The following ZHX3 variants were observed in gnomAD, a reference collection of about 807,000 sequenced individuals.
The protein encoded by ZHX3 is zinc fingers and homeoboxes protein 3.
In ZHX3, 20 loss-of-function variants were observed where a neutral mutation model predicts 64.5. The ratio of observed to expected loss-of-function variants is 0.31; its 90% CI spans 0.22 to 0.45. The LOEUF is 0.45. Among genes scored for constraint, ZHX3 ranks in the 20% least tolerant of loss-of-function variants. The probability of loss-of-function intolerance (pLI) is 1.00; values close to 1 mark genes in which losing one functional copy is unlikely to be tolerated. For missense variants in ZHX3, 1,041 were observed against 1,195.8 expected, an observed-to-expected ratio of 0.87 and a Z score of 1.91; for synonymous variants, 423 against 461.6, an observed-to-expected ratio of 0.92 and a Z score of 1.07.
chr20:41,233,953 C>T (rs531786873), intron 2 of ZHX3, among the ~76,000 whole-genome samples: 1 of 152,318 alleles, frequency 6.6e-6, no homozygotes, highest in South Asian at 2.1e-4. Flanking sequence ...CTGAAGAACT[C>T]ACCCTTGCAG....
chr20:41,198,921 A>AT (rs889451374), intron 3 of ZHX3, among the ~76,000 whole-genome samples: 3 of 151,550 alleles, frequency 2.0e-5, no homozygotes, highest in Middle Eastern at 6.8e-3. Context: ...TTTCCTAAAT[A>AT]TTTTTTTTCT....
chr20:41,277,591 T>A (rs890240569), intron 1 of ZHX3, among the ~76,000 whole-genome samples: 1 of 105,118 alleles, frequency 9.5e-6, no homozygotes, highest in Non-Finnish European at 1.8e-5. Context: ...CCATGTTAAT[T>A]TTTTTTTTCT....
At chr20:41,277,350 C>T (rs973460922) in intron 1 of ZHX3, among the ~76,000 whole-genome samples, 1 of 152,146 alleles carries the variant, frequency 6.6e-6, no homozygotes, top group Non-Finnish European at 1.5e-5. Context: ...ATGACACAAA[C>T]ATTTTTGTAA....
chr20:41,214,711 T>C (rs1033840653), intron 2 of ZHX3, among the ~76,000 whole-genome samples: 8 of 152,164 alleles, frequency 5.3e-5, no homozygotes, highest in African/African-American at 1.9e-4. Flanking sequence ...AAATGGTGCT[T>C]AAACAGCAAA....
intron 2 of ZHX3, among the ~76,000 whole-genome samples, chr20:41,236,291 C>A (rs968740372): frequency 1.7e-4 from 26 of 152,152 alleles, no homozygotes; most frequent in East Asian, 9.6e-4. Context: ...CATATGGAAC[C>A]AAAAAAGAGC....
chr20:41,231,507 C>G (rs2040604525), intron 2 of ZHX3, among the ~76,000 whole-genome samples: 1 of 152,174 alleles, frequency 6.6e-6, no homozygotes, highest in South Asian at 2.1e-4. Flanking sequence ...TTTAGTGAAG[C>G]CTTTCTAAAC....
intron 2 of ZHX3, among the ~76,000 whole-genome samples, chr20:41,249,023 G>A (rs1381547613): frequency 1.3e-5 from 2 of 152,164 alleles, no homozygotes; most frequent in African/African-American, 4.8e-5. Context: ...GAAATTATTT[G>A]TGCAAAACTA....
At chr20:41,297,783 A>C (rs1401492751) in intron 1 of ZHX3, among the ~76,000 whole-genome samples, 1 of 152,206 alleles carries the variant, frequency 6.6e-6, no homozygotes, top group Non-Finnish European at 1.5e-5. Flanking sequence ...GACAACGGCC[A>C]TATTTTCTCC....
At chr20:41,288,786 T>A (rs2044068878) in intron 1 of ZHX3, among the ~76,000 whole-genome samples, 1 of 152,228 alleles carries the variant, frequency 6.6e-6, no homozygotes, top group Admixed American at 6.5e-5. Context: ...GGAAAATAGC[T>A]GCAGGCATTT....
intron 1 of ZHX3, among the ~76,000 whole-genome samples, chr20:41,277,193 G>T (rs949781019): frequency 2.0e-5 from 3 of 152,204 alleles, no homozygotes; most frequent in African/African-American, 7.2e-5. Context: ...ACCAGGCAAG[G>T]TGGGGTGTAC....
chr20:41,275,244 C>T (rs1457579467), intron 1 of ZHX3, among the ~76,000 whole-genome samples: 1 of 152,030 alleles, frequency 6.6e-6, no homozygotes, highest in Non-Finnish European at 1.5e-5. Context: ...AGCACCAAAT[C>T]GCAGGAAAAA....
At chr20:41,216,228 T>C (rs940102398) in intron 2 of ZHX3, among the ~76,000 whole-genome samples, 4 of 152,170 alleles carry the variant, frequency 2.6e-5, no homozygotes, top group African/African-American at 9.7e-5. Context: ...TAAAAATTCA[T>C]AGGTAGCATT....
chr20:41,203,910 T>C lies in ZHX3; in HGVS notation c.1007A>G (p.Tyr336Cys). ...FPYPTKAELCYLTVVTKYPEE... is the reference protein window; with the variant it reads ...FPYPTKAELCCLTVVTKYPEE... ...TGGATACTTGGTCACCACAGTCAAA[T>C]AGCAGAGCTCGGCTTTGGTGGGGTA... The change falls in exon 3 of 4, where the codon TAT (tyrosine) becomes TGT (cysteine). Residue 336 changes from tyrosine (Y) to cysteine (C), a missense_variant. Around this residue, in one of 4 missense-constraint regions of ZHX3, gnomAD observed 28 missense variants for 66.7 expected, o/e 0.42. Transcript: ENST00000683867. The surrounding 1 kb of genome is among the most constrained non-coding windows in gnomAD (Gnocchi z 7.1). 5.0e-6 allele frequency: 8 copies of C among 1,614,248 alleles called. No homozygotes were observed. The highest frequency in any genetic ancestry group is 6.8e-6 in the Non-Finnish European group (8 of 1,180,028).
chr20:41,305,724 C>T (rs535156308), intron 1 of ZHX3, among the ~76,000 whole-genome samples: 1 of 152,104 alleles, frequency 6.6e-6, no homozygotes, highest in South Asian at 2.1e-4. Context: ...GCGGAGCTTG[C>T]AGTGAGCCGA....
intron 1 of ZHX3, among the ~76,000 whole-genome samples, chr20:41,271,664 T>A (rs1171773421): frequency 6.6e-6 from 1 of 152,126 alleles, no homozygotes. Flanking sequence ...AAAAGCTTCA[T>A]AATAATTGGC....
chr20:41,277,333 T>C (rs995939450), intron 1 of ZHX3, among the ~76,000 whole-genome samples: 13 of 152,240 alleles, frequency 8.5e-5, no homozygotes, highest in Non-Finnish European at 1.6e-4. Context: ...CTATATACTT[T>C]TTTAAAATGA....
At chr20:41,282,668 CT>C (rs1334669075) in intron 1 of ZHX3, among the ~76,000 whole-genome samples, 1 of 152,118 alleles carries the variant, frequency 6.6e-6, no homozygotes, top group Non-Finnish European at 1.5e-5. Flanking sequence ...CACGATTCAT[CT>C]TTCGATGCCT....
In ZHX3 at chr20:41,312,787, CAAG is replaced by C. The variant is rs781612448; in HGVS notation, c.-245+4719_-245+4721del. Among the ~76,000 whole-genome samples, 6 of 152,146 alleles carry C rather than the reference CAAG, an allele frequency of 3.9e-5. No individual in the cohort carries two copies. In the East Asian group the frequency reaches 7.7e-4, roughly 20 times the overall value. ...TGTTCAATCTGACAAGCATGGCAAA[CAAG>C]GAGGGGAGCCTGGAGAGGGAGCACG... On this transcript the variant is annotated intron_variant, in intron 1 of 3. Transcript: ENST00000683867.
At chr20:41,284,317 C>T (rs533653966) in intron 1 of ZHX3, among the ~76,000 whole-genome samples, 1 of 152,172 alleles carries the variant, frequency 6.6e-6, no homozygotes, top group Admixed American at 6.5e-5. Flanking sequence ...GCTTCAAGTC[C>T]CATCTTACAT....
Sources: allele counts gnomAD v4.1 joint callset (sites outside exome capture counted in the v4.1 genomes callset), GRCh38; gene constraint gnomAD v4.1.1; regional missense constraint gnomAD v4.1.1; non-coding constraint Gnocchi (gnomAD v3.1); transcripts MANE v1.5; gene names NCBI Gene and HGNC (gene_info 2026-07-23, HGNC 2026-07-21).